Variants in ACBD5 observed in about 807,000 individuals in gnomAD.
ACBD5 encodes acyl-CoA-binding domain-containing protein 5.
Under a neutral mutation model 71.8 loss-of-function variants are expected in ACBD5, and 40 were observed. The observed-to-expected ratio is 0.56, with a 90% CI of 0.43 to 0.72. The LOEUF (loss-of-function observed/expected upper bound fraction) is 0.72. Ranked by LOEUF, ACBD5 falls within the 30% of genes least tolerant of loss-of-function variation. ACBD5 has a pLI of 0.00. For synonymous variants in ACBD5, 229 were observed against 218.6 expected, an observed-to-expected ratio of 1.05 and a Z score of -0.42; for missense variants, 559 against 644.5, an observed-to-expected ratio of 0.87 and a Z score of 1.44.
At chr10:27,184,591 C>T (rs942893775) in intron 13 of ACBD5, among the ~76,000 whole-genome samples, 2 of 96,320 alleles carry the variant, frequency 2.1e-5, no homozygotes, top group African/African-American at 4.0e-5. Context: ...GACGGAATCT[C>T]GTTCTGTTGC....
intron 10 of ACBD5, among the ~76,000 whole-genome samples, chr10:27,206,388 G>A (rs544358274): frequency 2.0e-5 from 3 of 151,760 alleles, no homozygotes; most frequent in Admixed American, 2.0e-4. Flanking sequence ...AGGCTGAGGT[G>A]GGCTGATTAC....
At chr10:27,228,805 A>ATTTTT in intron 4 of ACBD5, among the ~76,000 whole-genome samples, 5 of 4,606 alleles carry the variant, frequency 1.1e-3, no homozygotes, top group Admixed American at 4.4e-3. Context: ...ATATATATAT[A>ATTTTT]TATATATATA....
chr10:27,224,269 C>T (rs756321224), intron 4 of ACBD5, among the ~76,000 whole-genome samples: 41 of 151,724 alleles, frequency 2.7e-4, no homozygotes, highest in African/African-American at 8.7e-4. Flanking sequence ...CCCAGCTACT[C>T]GGGAGGCTGA....
At chr10:27,183,476 G>T (rs1040157193) in intron 13 of ACBD5, among the ~76,000 whole-genome samples, 1 of 151,990 alleles carries the variant, frequency 6.6e-6, no homozygotes, top group Non-Finnish European at 1.5e-5. Flanking sequence ...GTAGAGATGG[G>T]GTTTCACCAT....
At chr10:27,185,374 T>G (rs1588804766) in intron 13 of ACBD5, among the ~76,000 whole-genome samples, 2 of 152,196 alleles carry the variant, frequency 1.3e-5, no homozygotes, top group East Asian at 3.9e-4. Context: ...GGCTCACACC[T>G]ATAATCCCAG....
intron 13 of ACBD5, among the ~76,000 whole-genome samples, chr10:27,183,267 C>A (rs943235143): frequency 1.6e-4 from 16 of 97,796 alleles, no homozygotes; most frequent in African/African-American, 4.1e-4. Flanking sequence ...CCTTAAAATT[C>A]TTTTGTTGTT....
At chr10:27,219,665 C>T (rs1377633886) in intron 6 of ACBD5, 58 bp downstream of exon 6, 3 of 1,602,916 alleles carry the variant, frequency 1.9e-6, no homozygotes, top group Admixed American at 1.7e-5. Context: ...GCCCAAATGT[C>T]TTCATACCCT....
At chr10:27,206,298 G>A (rs2060461250) in intron 10 of ACBD5, among the ~76,000 whole-genome samples, 2 of 151,658 alleles carry the variant, frequency 1.3e-5, no homozygotes, top group African/African-American at 2.4e-5. Context: ...TTGAATATAT[G>A]TAAAATATTC....
intron 6 of ACBD5, among the ~76,000 whole-genome samples, chr10:27,218,899 G>A (rs972192228): frequency 3.3e-5 from 5 of 152,002 alleles, no homozygotes; most frequent in African/African-American, 4.8e-5. Flanking sequence ...GTTTGTTTTA[G>A]TGTCTTTCTG....
chr10:27,186,114 G>C (rs528850341), intron 13 of ACBD5, among the ~76,000 whole-genome samples: 31 of 152,212 alleles, frequency 2.0e-4, no homozygotes, highest in African/African-American at 7.5e-4. Flanking sequence ...AGAAAGATAG[G>C]CTTCTAAGTT....
chr10:27,218,190 C>T lies in ACBD5; in HGVS notation c.626-7G>A, dbSNP rs74126939. The T allele has an allele frequency of 0.039, 62,897 of 1,606,866 alleles. 2,304 individuals are homozygous for T. Among genetic ancestry groups the T allele is most frequent in the African/African-American group, 0.17 (12,807 of 74,782 alleles). On this transcript the variant is annotated splice_polypyrimidine_tract_variant and splice_region_variant and intron_variant, in intron 6 of 12. Transcript: ENST00000396271. ...TTCTTCATCATTTTCTTATCTTTTACGAGAAAATGGGAAAGATTCATAAAA... is the reference window on the plus strand; with the variant it reads ...TTCTTCATCATTTTCTTATCTTTTATGAGAAAATGGGAAAGATTCATAAAA...
chr10:27,234,760 T>C (rs2064410871), intron 3 of ACBD5, among the ~76,000 whole-genome samples: 1 of 152,030 alleles, frequency 6.6e-6, no homozygotes, highest in Admixed American at 6.6e-5. Context: ...AGTGAAACCC[T>C]GTCTCTACTA....
chr10:27,183,397 C>T (rs2058441009), intron 13 of ACBD5, among the ~76,000 whole-genome samples: 1 of 152,104 alleles, frequency 6.6e-6, no homozygotes, highest in African/African-American at 2.4e-5. Context: ...GATTCTCCTG[C>T]CTCAGCCCCC....
Position 27,217,412 on chromosome 10 carries a change from C to T in ACBD5, c.829+568G>A, listed in dbSNP as rs1377569283. 3.3e-5 allele frequency among the ~76,000 whole-genome samples: 5 copies of T among 149,386 alleles called. No homozygotes were observed. In the South Asian group the frequency reaches 1.1e-3, roughly 32 times the overall value. On this transcript the variant is annotated intron_variant, in intron 7 of 12. Transcript: ENST00000396271. Reference sequence around the variant, plus strand: ...CAGAGGTTGCAGTGAGCCGAGATTGCGCCACTGCACTCCAGCCTGGGTGAC... The same window carrying T: ...CAGAGGTTGCAGTGAGCCGAGATTGTGCCACTGCACTCCAGCCTGGGTGAC...
downstream of ACBD5, among the ~76,000 whole-genome samples, chr10:27,190,967 T>G (rs1393659937): frequency 6.6e-6 from 1 of 152,154 alleles, no homozygotes; most frequent in African/African-American, 2.4e-5. Flanking sequence ...GTAGACATAC[T>G]AAGTTTGAGA....
At chr10:27,231,671 C>T in intron 4 of ACBD5, 77 bp downstream of exon 4, 1 of 1,244,860 alleles carries the variant, frequency 8.0e-7, no homozygotes, top group Non-Finnish European at 1.2e-6. Context: ...TAAAGCAAAG[C>T]AGCTAATTTG....
chr10:27,227,520 C>T (rs1189402473), intron 4 of ACBD5, among the ~76,000 whole-genome samples: 4 of 151,880 alleles, frequency 2.6e-5, no homozygotes, highest in African/African-American at 4.8e-5. Context: ...GTATGCTGAT[C>T]ACTAGAAGCC....
rs763021387 is a variant in ACBD5, at chr10:27,186,523, G to C, written c.1494-3808C>G. 8 of 1,613,832 alleles carry C rather than the reference G, an allele frequency of 5.0e-6. No individual in the cohort carries two copies. The Admixed American group carries it at 1.3e-4, about 27-fold the overall frequency. On this transcript the variant is annotated intron_variant, in intron 13 of 13. Coordinates refer to the ACBD5 transcript ENST00000676511. ...ACTGCTCAGCACCTGACTGTATCTG[G>C]ATTTAGTCTGTAGCACAAAAATTTT... is the stretch of plus-strand genomic sequence containing the variant.
chr10:27,228,564 G>A (rs532442389), intron 4 of ACBD5, among the ~76,000 whole-genome samples: 85 of 151,304 alleles, frequency 5.6e-4, no homozygotes, highest in South Asian at 2.1e-3. Flanking sequence ...GCGACAGTGC[G>A]AGACTCCGTC....
Sources: gnomAD v4.1 joint callset for allele counts (sites outside exome capture counted in the v4.1 genomes callset) on GRCh38, gnomAD v4.1.1 for gene constraint, MANE v1.5 for transcripts, NCBI Gene and HGNC (gene_info 2026-07-23, HGNC 2026-07-21) for gene names.